ADARB1: variants seen among roughly 807,000 people sequenced by gnomAD.
ADARB1 encodes the protein adenosine deaminase RNA specific B1.
Under a neutral mutation model 52.4 loss-of-function variants are expected in ADARB1, and 10 were observed. The observed-to-expected ratio is 0.19, with a 90% CI of 0.12 to 0.32. The LOEUF is 0.32. Among genes scored for constraint, ADARB1 ranks in the 10% least tolerant of loss-of-function variants. ADARB1 has a pLI of 1.00. For synonymous variants in ADARB1, 349 were observed against 371.1 expected (o/e 0.94, Z 0.68); for missense variants, 643 against 922.3 (o/e 0.70, Z 3.92).
At chr21:45,213,561 G>A (rs1398038332) in intron 9 of ADARB1, among the ~76,000 whole-genome samples, 7 of 151,986 alleles carry the variant, frequency 4.6e-5, no homozygotes, top group Middle Eastern at 3.2e-3. Flanking sequence ...CCCTCTCCCC[G>A]ATCCCCATTC....
intron 2 of ADARB1, among the ~76,000 whole-genome samples, chr21:45,156,393 A>G (rs1309098818): frequency 3.4e-5 from 5 of 145,976 alleles, no homozygotes; most frequent in Non-Finnish European, 6.0e-5. Flanking sequence ...TCATCCATCC[A>G]TCCATCCATC....
At chr21:45,106,619 TTAATAAAC>T (rs761653886) in intron 1 of ADARB1, among the ~76,000 whole-genome samples, 25 of 152,218 alleles carry the variant, frequency 1.6e-4, no homozygotes, top group Admixed American at 3.3e-4. Context: ...TCACTTTACT[TTAATAAAC>T]CATTTTTAGT....
At chr21:45,164,176 T>C (rs1277600276) in intron 2 of ADARB1, among the ~76,000 whole-genome samples, 1 of 151,976 alleles carries the variant, frequency 6.6e-6, no homozygotes, top group African/African-American at 2.4e-5. Context: ...TGTGTAGGCG[T>C]CTCAGGGATG....
chr21:45,140,994 A>G (rs1236190207), intron 2 of ADARB1, among the ~76,000 whole-genome samples: 1 of 152,186 alleles, frequency 6.6e-6, no homozygotes, highest in East Asian at 1.9e-4. Flanking sequence ...GTTTGAGACC[A>G]GTCTGGGTAA....
Position 45,225,203 on chromosome 21 carries a change from G to C in ADARB1, c.*3006G>C, listed in dbSNP as rs2093042308. On this transcript the variant is annotated 3_prime_UTR_variant, in exon 11 of 11. Coordinates refer to ENST00000348831, the MANE Select transcript of ADARB1 (RefSeq NM_001112.4). ...CTAGTGGGAGGTCTCAGGTGGGGCG[G>C]TGTGTTCTGTGCCATGAGGCAGCGA... 1.9e-6 allele frequency: 2 copies of C among 1,061,702 alleles called. No homozygotes were observed. The highest frequency in any genetic ancestry group is 5.4e-5 in the Admixed American group (1 of 18,534). 65.8% of individuals were successfully genotyped at this position (1,061,702 alleles called of 1,614,324 possible). A position where few individuals can be genotyped will look rare whatever the true frequency, so the allele number is the denominator to read the frequency against.
At chr21:45,195,949 T>C (rs2092415478) in intron 8 of ADARB1, among the ~76,000 whole-genome samples, 1 of 152,220 alleles carries the variant, frequency 6.6e-6, no homozygotes, top group South Asian at 2.1e-4. Flanking sequence ...AAATAACTTG[T>C]TGAAATATTG....
intron 2 of ADARB1, among the ~76,000 whole-genome samples, chr21:45,130,084 A>G (rs747972963): frequency 6.6e-6 from 1 of 152,182 alleles, no homozygotes; most frequent in Non-Finnish European, 1.5e-5. Flanking sequence ...GTGATAGGAA[A>G]TCAGCTTCTC....
At chr21:45,095,306 G>T (rs1023046086) in intron 1 of ADARB1, among the ~76,000 whole-genome samples, 1 of 152,228 alleles carries the variant, frequency 6.6e-6, no homozygotes, top group Non-Finnish European at 1.5e-5. Flanking sequence ...GGCCTTTGCC[G>T]TGAGCTCTGA....
rs531646190 is a variant in ADARB1, at chr21:45,079,069, G to A, written c.-220+4276G>A. ...AGACTGGAGGAGGAATATCAGCAAG[G>A]AGATCAGTTAGACTTTTGTGAAAGC... On this transcript the variant is annotated intron_variant, in intron 1 of 10. Transcript: ENST00000348831. 9.9e-5 allele frequency among the ~76,000 whole-genome samples: 15 copies of A among 152,266 alleles called. No homozygotes were observed. The South Asian group carries it at 3.1e-3, about 32-fold the overall frequency.
Position 45,176,295 on chromosome 21 carries a change from C to CTCCT in ADARB1, c.597_600dup (p.Ser201LeufsTer51). On this transcript the variant is annotated frameshift_variant, in exon 4 of 11. Transcript: ENST00000348831. LOFTEE classifies it high-confidence loss of function. This position sits in a 1 kb window ranked among gnomAD's most constrained non-coding sequence, Gnocchi z 5.8. ...TTTACGTGGGCTCCAATGGGGATGA[C>CTCCT]TCCTTCAGTTCCAGCGGGGACCTCA... The CTCCT allele has an allele frequency of 6.2e-7, 1 of 1,614,180 alleles. No homozygotes were observed. Among genetic ancestry groups the CTCCT allele is most frequent in the Non-Finnish European group, 8.5e-7 (1 of 1,180,006 alleles).
chr21:45,160,356 G>A (rs907332985), intron 2 of ADARB1, among the ~76,000 whole-genome samples: 2 of 152,238 alleles, frequency 1.3e-5, no homozygotes, highest in African/African-American at 4.8e-5. Flanking sequence ...TTTCTGTTTG[G>A]TTGTTTTAAC....
At chr21:45,111,114 G>A (rs901930467) in intron 1 of ADARB1, among the ~76,000 whole-genome samples, 4 of 152,248 alleles carry the variant, frequency 2.6e-5, no homozygotes, top group African/African-American at 4.8e-5. Flanking sequence ...TGCAGAGCCC[G>A]CCAGGCTGTG....
intron 8 of ADARB1, among the ~76,000 whole-genome samples, chr21:45,192,194 T>G (rs563693723): frequency 6.6e-6 from 1 of 152,184 alleles, no homozygotes; most frequent in South Asian, 2.1e-4. Context: ...GCTAATGCAG[T>G]CAGAAAGAAG....
chr21:45,225,355 TTCA>T lies in ADARB1; in HGVS notation c.*3164_*3166del. 7 of 1,236,264 alleles carry T rather than the reference TTCA, an allele frequency of 5.7e-6. No homozygotes were observed. Among genetic ancestry groups the T allele is most frequent in the Non-Finnish European group, 7.1e-6 (7 of 989,368 alleles). 76.6% of individuals were successfully genotyped at this position (1,236,264 alleles called of 1,614,324 possible). A position where few individuals can be genotyped will look rare whatever the true frequency, so the allele number is the denominator to read the frequency against. The stretch of plus-strand genomic sequence containing the variant: ...TTTATTCTGAGTCTTAATTTAACTT[TTCA>T]TCATCTTTTCCTATTTTGGAGAATT... On this transcript the variant is annotated 3_prime_UTR_variant, in exon 11 of 11. Coordinates refer to ENST00000348831, the MANE Select transcript of ADARB1 (RefSeq NM_001112.4).
At chr21:45,186,811 T>C (rs1023151742) in intron 8 of ADARB1, among the ~76,000 whole-genome samples, 14 of 152,160 alleles carry the variant, frequency 9.2e-5, no homozygotes, top group African/African-American at 3.4e-4. Flanking sequence ...CCCCTTTGAG[T>C]AGTCTTGCAC....
chr21:45,192,442 T>C lies in ADARB1; in HGVS notation c.1565+7351T>C, dbSNP rs141613605. Among the ~76,000 whole-genome samples the C allele has an allele frequency of 2.0e-3, 312 of 152,302 alleles. 2 individuals are homozygous for C. The highest frequency in any genetic ancestry group is 7.3e-3 in the African/African-American group (302 of 41,554). On this transcript the variant is annotated intron_variant, in intron 8 of 10. Transcript: ENST00000348831. ...TCCCATGCCCCTGAATCTGAGCCTG[T>C]CATGTGGCTGCTTTGAATAAGAGAA...
chr21:45,169,731 A>G (rs1402521597), intron 2 of ADARB1, among the ~76,000 whole-genome samples: 1 of 152,238 alleles, frequency 6.6e-6, no homozygotes, highest in Non-Finnish European at 1.5e-5. Context: ...GGACAGGCTT[A>G]TTCGTTGTTC....
Position 45,165,087 on chromosome 21 carries a change from G to A in ADARB1, c.-47-6523G>A, listed in dbSNP as rs551345186. Among the ~76,000 whole-genome samples the A allele has an allele frequency of 2.7e-3, 397 of 149,728 alleles. 1 individual carries two copies. The highest frequency in any genetic ancestry group is 4.2e-3 in the Non-Finnish European group (284 of 67,426). On this transcript the variant is annotated intron_variant, in intron 2 of 10. Transcript: ENST00000348831. Reference sequence around the variant, plus strand: ...CCCAGGCCTCACCAGGCCCACCCCCGCCCAGCCACCCTAGAGTTGCCTTGC... The same window carrying A: ...CCCAGGCCTCACCAGGCCCACCCCCACCCAGCCACCCTAGAGTTGCCTTGC...
chr21:45,144,630 G>A (rs2089916078), intron 2 of ADARB1: 1 of 453,370 alleles, frequency 2.2e-6, no homozygotes, highest in Non-Finnish European at 4.4e-6. Context: ...TAATCCTAAA[G>A]GTGGAAGAAA....
Sources: allele counts gnomAD v4.1 joint callset (sites outside exome capture counted in the v4.1 genomes callset), GRCh38; gene constraint gnomAD v4.1.1; non-coding constraint Gnocchi (gnomAD v3.1); transcripts MANE v1.5; gene names NCBI Gene and HGNC (gene_info 2026-07-23, HGNC 2026-07-21).